The following ZNF568 variants were observed in gnomAD, a reference collection of about 807,000 sequenced individuals.
ZNF568 encodes zinc finger protein 568, also known as p53 inhibitor of SCO2 activation.
In ZNF568, 11 loss-of-function variants were observed where a neutral mutation model predicts 18.1. That is an observed-to-expected ratio of 0.61 (90% CI 0.38 to 1.00). The LOEUF (loss-of-function observed/expected upper bound fraction) is 1.00, where lower values mean the gene tolerates loss of function less well. Among genes scored for constraint, ZNF568 ranks in the 50% least tolerant of loss-of-function variants. The pLI, the probability that ZNF568 is intolerant of heterozygous loss-of-function variation, is 0.01. For missense variants in ZNF568, 639 were observed against 768.2 expected, an observed-to-expected ratio of 0.83 and a Z score of 1.99; for synonymous variants, 213 against 246.6, an observed-to-expected ratio of 0.86 and a Z score of 1.28.
intron 2 of ZNF568, among the ~76,000 whole-genome samples, chr19:36,918,196 A>T (rs2146261192): frequency 6.6e-6 from 1 of 152,260 alleles, no homozygotes; most frequent in African/African-American, 2.4e-5. Context: ...TGCCGACCTC[A>T]GCCTCCCAAA....
At chr19:36,970,291 A>T (rs73620041) in intron 6 of ZNF568, among the ~76,000 whole-genome samples, 1,798 of 126,574 alleles carry the variant, frequency 0.014, 517 homozygotes, top group African/African-American at 0.053. Flanking sequence ...TTGCATCTAT[A>T]ACCACAAATG....
chr19:36,965,185 C>G (rs189860054), intron 6 of ZNF568, among the ~76,000 whole-genome samples: 20 of 152,166 alleles, frequency 1.3e-4, no homozygotes, highest in Middle Eastern at 6.8e-3. Flanking sequence ...GAGGTGGAAC[C>G]TTTACAAGGT....
intron 4 of ZNF568, chr19:36,991,860 A>T: frequency 6.4e-7 from 1 of 1,555,274 alleles, no homozygotes; most frequent in Non-Finnish European, 8.7e-7. Context: ...AGTGACGATG[A>T]ACTGGAATGG....
intron 6 of ZNF568, among the ~76,000 whole-genome samples, chr19:36,947,697 C>T (rs571123431): frequency 1.3e-5 from 2 of 152,130 alleles, no homozygotes; most frequent in Non-Finnish European, 2.9e-5. Context: ...TGAGGTCTTG[C>T]TATGTTTCCC....
In ZNF568 at chr19:36,916,770, T is replaced by C. The variant is rs767428487; in HGVS notation, c.-256+179T>C. Among the ~76,000 whole-genome samples, 2 of 152,166 alleles carry C rather than the reference T, an allele frequency of 1.3e-5. No homozygotes were observed. The highest frequency in any genetic ancestry group is 2.4e-5 in the African/African-American group (1 of 41,442). On this transcript the variant is annotated intron_variant, in intron 1 of 6. Transcript: ENST00000333987. This position sits in a 1 kb window ranked among gnomAD's most constrained non-coding sequence, Gnocchi z 5.3. The stretch of plus-strand genomic sequence containing the variant: ...ATTATGATTAAGGCTGTAGCGAGTG[T>C]GAACGTGGCGAAGTGTGCGTGATTG...
intron 4 of ZNF568, among the ~76,000 whole-genome samples, chr19:36,994,942 G>A (rs2547045): frequency 0.54 from 81,332 of 151,912 alleles, 22,278 homozygotes; most frequent in African/African-American, 0.62. Context: ...GACCCACCGC[G>A]CCCGGCCAAA....
chr19:36,919,171 G>T (rs1469298049), intron 2 of ZNF568, among the ~76,000 whole-genome samples: 2 of 152,038 alleles, frequency 1.3e-5, no homozygotes, highest in African/African-American at 4.8e-5. Flanking sequence ...ATCTTTGATT[G>T]TCATAGTGTT....
At chr19:36,936,397 C>A (rs1405098353) in intron 4 of ZNF568, among the ~76,000 whole-genome samples, 1 of 149,950 alleles carries the variant, frequency 6.7e-6, no homozygotes, top group Non-Finnish European at 1.5e-5. Context: ...TGTGTTGATT[C>A]AAGTTCTAGT....
At chr19:36,930,909 G>A (rs533867506) in intron 4 of ZNF568, among the ~76,000 whole-genome samples, 5 of 152,230 alleles carry the variant, frequency 3.3e-5, no homozygotes, top group East Asian at 3.9e-4. Context: ...ACCCAGCTCC[G>A]TTTTGAAAGT....
intron 6 of ZNF568, among the ~76,000 whole-genome samples, chr19:36,942,612 AAAAAAG>A (rs1160505377): frequency 1.3e-5 from 2 of 149,438 alleles, no homozygotes; most frequent in Non-Finnish European, 3.0e-5. Flanking sequence ...AAAAAAAAAA[AAAAAAG>A]AAGAATAGAG....
intron 4 of ZNF568, among the ~76,000 whole-genome samples, chr19:36,994,937 A>T (rs2074456955): frequency 1.3e-5 from 2 of 152,116 alleles, no homozygotes; most frequent in Non-Finnish European, 2.9e-5. Context: ...AGCGTGACCC[A>T]CCGCGCCCGG....
At chr19:36,945,930 A>G (rs1299388533) in intron 6 of ZNF568, among the ~76,000 whole-genome samples, 1 of 151,824 alleles carries the variant, frequency 6.6e-6, no homozygotes, top group African/African-American at 2.4e-5. Context: ...TGTTTCAACT[A>G]AAAAAACGCA....
Position 36,951,837 on chromosome 19 carries a change from CA to C in ZNF568, c.*750del, listed in dbSNP as rs1439793125. ...AGAGACGGGGTTTCACCATGTTGGC[CA>C]GGGTAGTCTTGAACTCCTGACTTCA... is the stretch of plus-strand genomic sequence containing the variant. On this transcript the variant is annotated 3_prime_UTR_variant, in exon 7 of 7. Coordinates refer to ENST00000333987, the MANE Select transcript of ZNF568 (RefSeq NM_198539.4). 1 of 507,950 alleles carries C rather than the reference CA, an allele frequency of 2.0e-6. No individual in the cohort carries two copies. The highest frequency in any genetic ancestry group is 2.5e-6 in the Non-Finnish European group (1 of 394,694). The allele number at this position is 507,950 out of a possible 1,614,324, so 31.5% of individuals were successfully genotyped here.
Position 36,924,006 on chromosome 19 carries a change from T to C in ZNF568, c.76+1160T>C, listed in dbSNP as rs527679128. Among the ~76,000 whole-genome samples, 7 of 152,318 alleles carry C rather than the reference T, an allele frequency of 4.6e-5. No homozygotes were observed. The South Asian group carries it at 1.4e-3, about 32-fold the overall frequency. ...TGAGTTTTAGCCTCCTTTTTTCCTT[T>C]ATTAACATTATGATTGGTTTGGGAG... On this transcript the variant is annotated intron_variant, in intron 3 of 6. Transcript: ENST00000333987.
chr19:36,993,025 C>T (rs1223276058), intron 4 of ZNF568, among the ~76,000 whole-genome samples: 1 of 152,178 alleles, frequency 6.6e-6, no homozygotes, highest in Non-Finnish European at 1.5e-5. Context: ...TACCATTCTG[C>T]TCATTCATCA....
intron 3 of ZNF568, chr19:36,991,710 G>C: frequency 6.8e-7 from 1 of 1,480,500 alleles, no homozygotes; most frequent in Non-Finnish European, 9.0e-7. Flanking sequence ...TTTTAATTCT[G>C]ACACCCACAA....
Position 36,922,714 on chromosome 19 carries a change from A to T in ZNF568, c.-57A>T. ...GCTGGAGAGTCCTGAAAGAGAGTGG[A>T]CCCTGGAGTTGCTGGAGCTTGTCTT... On this transcript the variant is annotated 5_prime_UTR_variant, in exon 3 of 7. Transcript: ENST00000333987. 1 of 1,507,596 alleles carries T rather than the reference A, an allele frequency of 6.6e-7. No individual in the cohort carries two copies. Among genetic ancestry groups the T allele is most frequent in the Admixed American group, 1.7e-5 (1 of 59,322 alleles). 93.4% of individuals were successfully genotyped at this position (1,507,596 alleles called of 1,614,324 possible).
At chr19:36,947,281 G>A (rs826294) in intron 6 of ZNF568, among the ~76,000 whole-genome samples, 53,922 of 151,904 alleles carry the variant, frequency 0.35, 9,845 homozygotes, top group African/African-American at 0.41. Flanking sequence ...CCCAAAGTGC[G>A]GGGATTACAG....
downstream of ZNF568, among the ~76,000 whole-genome samples, chr19:36,984,869 G>C (rs1474051582): frequency 6.6e-6 from 1 of 151,318 alleles, no homozygotes; most frequent in Non-Finnish European, 1.5e-5. Flanking sequence ...TATTCTCTTT[G>C]TATTTAGTGC....
Sources: gnomAD v4.1 joint callset for allele counts (sites outside exome capture counted in the v4.1 genomes callset) on GRCh38, gnomAD v4.1.1 for gene constraint, Gnocchi (gnomAD v3.1) non-coding constraint, MANE v1.5 for transcripts, NCBI Gene and HGNC (gene_info 2026-07-23, HGNC 2026-07-21) for gene names.